Variants in MDM4 observed in about 807,000 individuals in gnomAD.
MDM4 encodes the protein protein Mdm4.
A neutral mutation model predicts 60.2 loss-of-function variants in MDM4; 2 were observed. That is an observed-to-expected ratio of 0.03 (90% CI 0.01 to 0.10). The LOEUF (loss-of-function observed/expected upper bound fraction) is 0.10, where lower values mean the gene tolerates loss of function less well. Among genes scored for constraint, MDM4 ranks in the 10% least tolerant of loss-of-function variants. The probability of loss-of-function intolerance (pLI) is 1.00; values close to 1 mark genes in which losing one functional copy is unlikely to be tolerated. For synonymous variants in MDM4, 202 were observed against 198.1 expected (o/e 1.02, Z -0.17); for missense variants, 447 against 577.5 (o/e 0.77, Z 2.32).
chr1:204,526,027 G>C (rs1015944424), intron 2 of MDM4, among the ~76,000 whole-genome samples: 2 of 152,158 alleles, frequency 1.3e-5, no homozygotes, highest in African/African-American at 4.8e-5. Flanking sequence ...GGCGGAGGTA[G>C]GCAGGTCTCT....
At chr1:204,528,074 A>ATTTTTTTTT (rs11440400) in intron 3 of MDM4, among the ~76,000 whole-genome samples, 1 of 140,342 alleles carries the variant, frequency 7.1e-6, no homozygotes. Context: ...AAAGTCTGGA[A>ATTTTTTTTT]TTTTTTTTTT....
rs1414710844 is a variant in MDM4, at chr1:204,532,345, A to G, written c.343+99A>G. 2.8e-5 allele frequency: 22 copies of G among 787,636 alleles called. 2 individuals carry two copies. Among genetic ancestry groups the G allele is most frequent in the East Asian group, 7.5e-5 (3 of 39,894 alleles). The allele number at this position is 787,636 out of a possible 1,614,324, so 48.8% of individuals were successfully genotyped here. ...AAGATGAAGGTGGAAATGGAATGCTATCTTTGGCATGACTGGGAGAAATAC... is the reference window on the plus strand; with the variant it reads ...AAGATGAAGGTGGAAATGGAATGCTGTCTTTGGCATGACTGGGAGAAATAC... On this transcript the variant is annotated intron_variant, in intron 5 of 10. Transcript: ENST00000367182.
rs1663283223 is a variant in MDM4 at position 204,552,368 on chromosome 1, G to GCTGGA, written c.*2687_*2691dup. 2 of 146,258 alleles carry GCTGGA rather than the reference G, an allele frequency of 1.4e-5. No individual in the cohort carries two copies. The highest frequency in any genetic ancestry group is 5.0e-5 in the African/African-American group (2 of 39,976). The allele number at this position is 146,258 out of a possible 1,614,324, so 9.1% of individuals were successfully genotyped here. The stretch of plus-strand genomic sequence containing the variant: ...GAGACAGTCTCACTCTGTTGCCCAG[G>GCTGGA]CTGGAGTGCAATGGCATGATCTCTG... On this transcript the variant is annotated 3_prime_UTR_variant, in exon 11 of 11. Transcript: ENST00000367182.
At position 204,554,732 on chromosome 1, in the gene MDM4, C is replaced by T. The variant is rs1421081054; in HGVS notation, c.*5050C>T. 2.6e-5 allele frequency: 6 copies of T among 226,968 alleles called. No individual in the cohort carries two copies. Among genetic ancestry groups the T allele is most frequent in the African/African-American group, 1.3e-4 (6 of 45,008 alleles). The allele number at this position is 226,968 out of a possible 1,614,324, so 14.1% of individuals were successfully genotyped here. On this transcript the variant is annotated 3_prime_UTR_variant, in exon 11 of 11. Coordinates refer to ENST00000367182, the MANE Select transcript of MDM4 (RefSeq NM_002393.5). ...AGGCCTAATTTGGGAACAGTTTTTC[C>T]TGATTGCTTTGAGAAGTACTTTCTT...
chr1:204,551,305 C>CAA lies in MDM4; in HGVS notation c.*1625_*1626dup, dbSNP rs1393123307. 1 of 230,090 alleles carries CAA rather than the reference C, an allele frequency of 4.3e-6. No individual in the cohort carries two copies. The highest frequency in any genetic ancestry group is 6.2e-5 in the East Asian group (1 of 16,152). 14.3% of individuals were successfully genotyped at this position (230,090 alleles called of 1,614,324 possible). On this transcript the variant is annotated 3_prime_UTR_variant, in exon 11 of 11. Transcript: ENST00000367182. ...AAGCAACCCTCCTGCCTCAGCCTCT[C>CAA]AAAGTGCTAGGATTGCAGTCCTGAG...
chr1:204,538,039 G>C, intron 6 of MDM4, 170 bp from the exon 7 acceptor site: 1 of 769,504 alleles, frequency 1.3e-6, no homozygotes. Flanking sequence ...TGCTCACAGT[G>C]GGTTGAGGAG....
At chr1:204,533,885 T>G (rs1342517378) in intron 5 of MDM4, among the ~76,000 whole-genome samples, 1 of 151,624 alleles carries the variant, frequency 6.6e-6, no homozygotes, top group Non-Finnish European at 1.5e-5. Context: ...TGGGCTTAAC[T>G]CATCTTCCTG....
chr1:204,534,120 A>G (rs1036422775), intron 5 of MDM4, among the ~76,000 whole-genome samples: 1 of 152,214 alleles, frequency 6.6e-6, no homozygotes, highest in African/African-American at 2.4e-5. Context: ...TATTCTTTAA[A>G]GGCAGAGAAA....
intron 1 of MDM4, among the ~76,000 whole-genome samples, chr1:204,519,240 C>T (rs1659306467): frequency 6.6e-6 from 1 of 152,088 alleles, no homozygotes; most frequent in South Asian, 2.1e-4. Context: ...GATTTTTTTA[C>T]TTTTTAAAAT....
intron 3 of MDM4, chr1:204,529,136 G>C (rs1035690053): frequency 9.6e-7 from 1 of 1,046,036 alleles, no homozygotes; most frequent in Non-Finnish European, 1.5e-6. Flanking sequence ...TGGAAGAGCT[G>C]CTTCCACTGC....
At chr1:204,525,323 A>G (rs1660016400) in intron 1 of MDM4, 161 bp from the exon 2 acceptor site, 1 of 984,876 alleles carries the variant, frequency 1.0e-6, no homozygotes. Context: ...AAGTAGTCAG[A>G]AGATATGCAG....
At chr1:204,529,567 CA>C (rs1355613441) in intron 3 of MDM4, 4 of 1,448,594 alleles carry the variant, frequency 2.8e-6, no homozygotes, top group Admixed American at 2.2e-5. Flanking sequence ...TAGCCACCAC[CA>C]GGGGGTAGCA....
chr1:204,529,837 C>T (rs1305450023), intron 3 of MDM4: 5 of 252,032 alleles, frequency 2.0e-5, no homozygotes, highest in Non-Finnish European at 3.0e-5. Flanking sequence ...CTGTTATGAA[C>T]CTTGACTCTA....
At chr1:204,531,833 CA>C (rs111931550) in intron 4 of MDM4, among the ~76,000 whole-genome samples, 26 of 144,302 alleles carry the variant, frequency 1.8e-4, no homozygotes, top group Admixed American at 2.1e-4. Context: ...ACTCCGTCTC[CA>C]AAAAAAAAAG....
rs1270135772 is a variant in MDM4 at position 204,549,570 on chromosome 1, C to T, written c.1361C>T (p.Thr454Met). 3 of 1,613,572 alleles carry T rather than the reference C, an allele frequency of 1.9e-6. No homozygotes were observed. The highest frequency in any genetic ancestry group is 2.5e-6 in the Non-Finnish European group (3 of 1,179,940). Residue 454 changes from threonine to methionine, a missense_variant, in exon 11 of 11, where the codon ACG (threonine) becomes ATG (methionine). Transcript: ENST00000367182. ...PRDGNIIHGR[T>M]GHLVTCFHCA... is the part of the protein sequence containing the mutation. ...GACGGGAACATTATTCATGGAAGGA[C>T]GGGCCATCTTGTCACTTGTTTTCAC...
chr1:204,524,779 TAAATA>T (rs1280062750), intron 1 of MDM4, among the ~76,000 whole-genome samples: 3 of 152,126 alleles, frequency 2.0e-5, no homozygotes, highest in Non-Finnish European at 2.9e-5. Context: ...TGTCTCAAAA[TAAATA>T]AATAAATAAA....
At position 204,551,669 on chromosome 1, in the gene MDM4, C is replaced by T. The variant is rs1202630156; in HGVS notation, c.*1987C>T. The stretch of plus-strand genomic sequence containing the variant: ...CCATGGGAAAATGTTGGTGTGTTCT[C>T]AAGGGTATGCATGTGTCATTTTGAA... On this transcript the variant is annotated 3_prime_UTR_variant, in exon 11 of 11. Coordinates refer to ENST00000367182, the MANE Select transcript of MDM4 (RefSeq NM_002393.5). The T allele has an allele frequency of 4.3e-6, 1 of 230,996 alleles. No homozygotes were observed. Among genetic ancestry groups the T allele is most frequent in the Non-Finnish European group, 8.6e-6 (1 of 116,946 alleles). The allele number at this position is 230,996 out of a possible 1,614,324, so 14.3% of individuals were successfully genotyped here.
intron 1 of MDM4, among the ~76,000 whole-genome samples, chr1:204,523,040 TTTAG>T (rs1659729147): frequency 6.6e-6 from 1 of 151,808 alleles, no homozygotes; most frequent in Non-Finnish European, 1.5e-5. Context: ...TTTTTGGAGC[TTTAG>T]TAGAGACGGG....
chr1:204,549,098 C>T lies in MDM4; in HGVS notation c.904-15C>T, dbSNP rs142067318. ...TAACCCCCTGAGTATTAATTGGCTT[C>T]ACTTGTCTTTGTAGGATGAGTGGCA... On this transcript the variant is annotated splice_polypyrimidine_tract_variant and intron_variant, in intron 10 of 10. Coordinates refer to ENST00000367182, the MANE Select transcript of MDM4 (RefSeq NM_002393.5). The T allele has an allele frequency of 1.9e-4, 286 of 1,524,866 alleles. 1 individual carries two copies. Among genetic ancestry groups the T allele is most frequent in the Admixed American group, 8.7e-4 (47 of 53,854 alleles). 94.5% of individuals were successfully genotyped at this position (1,524,866 alleles called of 1,614,324 possible). A position where few individuals can be genotyped will look rare whatever the true frequency, so the allele number is the denominator to read the frequency against.
Sources: gnomAD v4.1 joint callset for allele counts (sites outside exome capture counted in the v4.1 genomes callset) on GRCh38, gnomAD v4.1.1 for gene constraint, MANE v1.5 for transcripts, NCBI Gene and HGNC (gene_info 2026-07-23, HGNC 2026-07-21) for gene names.